FADS3: variants seen among roughly 807,000 people sequenced by gnomAD.
FADS3 encodes fatty acid desaturase 3.
FADS3 carries 30 observed loss-of-function variants against 60.4 expected under a neutral mutation model. That is an observed-to-expected ratio of 0.50 (90% CI 0.37 to 0.67). The LOEUF (loss-of-function observed/expected upper bound fraction) is 0.67, where lower values mean the gene tolerates loss of function less well. Ranked by LOEUF, FADS3 falls within the 30% of genes least tolerant of loss-of-function variation. The pLI is 0.00. For missense variants in FADS3, 432 were observed against 598.3 expected (o/e 0.72, Z 2.90); for synonymous variants, 234 against 249.3 (o/e 0.94, Z 0.58).
At chr11:61,886,324 CA>C (rs770919815) in intron 1 of FADS3, 13 of 152,274 alleles carry the variant, frequency 8.5e-5, no homozygotes, top group Non-Finnish European at 1.5e-4. Flanking sequence ...GAGGGATGCC[CA>C]GGGGCAGTAT....
chr11:61,882,204 G>C (rs575343585), intron 1 of FADS3: 1 of 149,226 alleles, frequency 6.7e-6, no homozygotes, highest in Admixed American at 6.8e-5. Flanking sequence ...TCAACCTCCC[G>C]GGCTCAGGTG....
intron 5 of FADS3, 26 bp from the exon 6 acceptor site, chr11:61,878,241 A>G (rs1304161144): frequency 6.2e-7 from 1 of 1,612,162 alleles, no homozygotes; most frequent in Non-Finnish European, 8.5e-7. Flanking sequence ...GCGGCTGGAG[A>G]CAGCAGCTCT....
chr11:61,885,791 T>C (rs1370585952), intron 1 of FADS3, among the ~76,000 whole-genome samples: 1 of 152,124 alleles, frequency 6.6e-6, no homozygotes, highest in Admixed American at 6.5e-5. Flanking sequence ...TGCCTTCTCA[T>C]GCCTTTGTAG....
intron 1 of FADS3, chr11:61,880,903 A>C (rs891501629): frequency 2.0e-5 from 3 of 152,174 alleles, no homozygotes; most frequent in Admixed American, 2.0e-4. Flanking sequence ...TCCTGACCCC[A>C]GGTGGCCAAG....
chr11:61,874,798 G>C (rs1186814275), intron 11 of FADS3, among the ~76,000 whole-genome samples: 1 of 151,976 alleles, frequency 6.6e-6, no homozygotes, highest in Non-Finnish European at 1.5e-5. Context: ...TTTAGAAACT[G>C]CCGCCCCTGC....
In FADS3 at chr11:61,876,212, CAT is replaced by C; in HGVS notation, c.1081-24_1081-23del. 1.3e-6 allele frequency: 2 copies of C among 1,588,370 alleles called. No homozygotes were observed. Among genetic ancestry groups the C allele is most frequent in the South Asian group, 1.1e-5 (1 of 88,396 alleles). On this transcript the variant is annotated intron_variant, in intron 9 of 11. Transcript: ENST00000278829. The surrounding 1 kb of genome is among the most constrained non-coding windows in gnomAD (Gnocchi z 5.7). ...CCAGCTGCCGGAAGCCGGCGGGGCA[CAT>C]GTGAGGAGGCCGTTGCAGATCCCTG...
intron 1 of FADS3, among the ~76,000 whole-genome samples, chr11:61,884,573 GGCCAGTCACTATCTCAAGAA>G (rs928431226): frequency 6.6e-6 from 1 of 152,168 alleles, no homozygotes; most frequent in Non-Finnish European, 1.5e-5. Flanking sequence ...CTTGCCGTGA[GGCCAGTCACTATCTCAAGAA>G]GCCAAGGGCC....
At chr11:61,878,940 C>A in intron 3 of FADS3, 93 bp from the exon 4 acceptor site, 1 of 1,001,448 alleles carries the variant, frequency 1.0e-6, no homozygotes, top group Non-Finnish European at 1.5e-6. Flanking sequence ...GCAGGGTACC[C>A]CCGTGCTAAT....
intron 1 of FADS3, among the ~76,000 whole-genome samples, chr11:61,889,093 C>T (rs1459855921): frequency 6.6e-6 from 1 of 151,706 alleles, no homozygotes; most frequent in Non-Finnish European, 1.5e-5. Flanking sequence ...GACAGGGTTT[C>T]TCCATGTTGG....
At chr11:61,883,706 G>C (rs1001457558) in intron 1 of FADS3, among the ~76,000 whole-genome samples, 3 of 152,192 alleles carry the variant, frequency 2.0e-5, no homozygotes, top group Admixed American at 6.5e-5. Context: ...TTATTGAGCT[G>C]AGGATCTTGG....
rs1182383966 is a variant in FADS3, at chr11:61,876,321, C to T, written c.1080+38G>A. 6.2e-7 allele frequency: 1 copy of T among 1,600,942 alleles called. No individual in the cohort carries two copies. The highest frequency in any genetic ancestry group is 8.5e-7 in the Non-Finnish European group (1 of 1,171,144). On this transcript the variant is annotated intron_variant, in intron 9 of 11. Coordinates refer to ENST00000278829, the MANE Select transcript of FADS3 (RefSeq NM_021727.5). The surrounding 1 kb of genome is among the most constrained non-coding windows in gnomAD (Gnocchi z 5.7). Reference sequence around the variant, plus strand: ...CCATCTGGCTCCTAGCTGGGACCCCCCACCCCACCCAGGATGGGCCCCACC... The same window carrying T: ...CCATCTGGCTCCTAGCTGGGACCCCTCACCCCACCCAGGATGGGCCCCACC...
intron 1 of FADS3, chr11:61,890,471 A>G (rs1046540358): frequency 1.3e-5 from 2 of 152,382 alleles, no homozygotes; most frequent in African/African-American, 2.4e-5. Flanking sequence ...TGGGTAACTA[A>G]GGAAAAGGGG....
At chr11:61,879,713 G>T (rs1478973580) in intron 2 of FADS3, among the ~76,000 whole-genome samples, 1 of 152,192 alleles carries the variant, frequency 6.6e-6, no homozygotes, top group African/African-American at 2.4e-5. Flanking sequence ...GTATGGGGTG[G>T]GTAAGACGCT....
intron 2 of FADS3, 99 bp downstream of exon 2, chr11:61,879,942 A>C: frequency 1.0e-6 from 1 of 963,028 alleles, no homozygotes; most frequent in South Asian, 1.6e-5. Context: ...CCTTGGGCGA[A>C]TGCCGAGGGA....
rs1938512848 is a variant in FADS3 at position 61,891,456 on chromosome 11, C to A, written c.-75G>T. Reference sequence around the variant, plus strand: ...AAGACCCCGAGGGAAGCGAAGAGCGCTCCCGGGCGCCGCCTCCGCCGCCGC... The same window carrying A: ...AAGACCCCGAGGGAAGCGAAGAGCGATCCCGGGCGCCGCCTCCGCCGCCGC... On this transcript the variant is annotated 5_prime_UTR_variant, in exon 1 of 12. Coordinates refer to ENST00000278829, the MANE Select transcript of FADS3 (RefSeq NM_021727.5). 3.6e-6 allele frequency: 4 copies of A among 1,112,968 alleles called. No homozygotes were observed. The highest frequency in any genetic ancestry group is 3.4e-6 in the Non-Finnish European group (3 of 870,666). The allele number at this position is 1,112,968 out of a possible 1,614,324, so 68.9% of individuals were successfully genotyped here.
rs1591187007 is a variant in FADS3 at position 61,873,721 on chromosome 11, C to G, written c.*93G>C. 2.3e-6 allele frequency: 2 copies of G among 865,796 alleles called. No individual in the cohort carries two copies. Among genetic ancestry groups the G allele is most frequent in the East Asian group, 5.2e-5 (2 of 38,130 alleles). The allele number at this position is 865,796 out of a possible 1,614,324, so 53.6% of individuals were successfully genotyped here. ...GGAGGGCAGGCAGGGCACCCCCAGG[C>G]TGGCCAGTGGAGGGGTGAGGGTATC... On this transcript the variant is annotated 3_prime_UTR_variant, in exon 12 of 12. Coordinates refer to ENST00000278829, the MANE Select transcript of FADS3 (RefSeq NM_021727.5).
intron 11 of FADS3, among the ~76,000 whole-genome samples, 181 bp downstream of exon 11, chr11:61,875,670 T>G (rs1006533390): frequency 6.6e-6 from 1 of 152,254 alleles, no homozygotes; most frequent in African/African-American, 2.4e-5. Context: ...TTTGTGAGTC[T>G]GCAGTAGGTG....
intron 3 of FADS3, 140 bp downstream of exon 3, chr11:61,879,172 C>T: frequency 1.2e-6 from 1 of 804,594 alleles, no homozygotes; most frequent in Non-Finnish European, 2.0e-6. Flanking sequence ...AGACTGTTCA[C>T]TCATTCATCT....
chr11:61,880,612 C>T (rs1251867926), intron 1 of FADS3: 1 of 153,948 alleles, frequency 6.5e-6, no homozygotes, highest in Non-Finnish European at 1.4e-5. Context: ...GTGGGAAAAC[C>T]TGGAACTGAG....
Sources: allele counts gnomAD v4.1 joint callset (sites outside exome capture counted in the v4.1 genomes callset), GRCh38; gene constraint gnomAD v4.1.1; non-coding constraint Gnocchi (gnomAD v3.1); transcripts MANE v1.5; gene names NCBI Gene and HGNC (gene_info 2026-07-23, HGNC 2026-07-21).